The following USP25 variants were observed in gnomAD, a reference collection of about 807,000 sequenced individuals.
USP25 encodes ubiquitin carboxyl-terminal hydrolase 25.
Under a neutral mutation model 158.5 loss-of-function variants are expected in USP25, and 85 were observed. The ratio of observed to expected loss-of-function variants is 0.54; its 90% CI spans 0.45 to 0.64. USP25 has a LOEUF of 0.64. Ranked by LOEUF, USP25 falls within the 30% of genes least tolerant of loss-of-function variation. The pLI, the probability that USP25 is intolerant of heterozygous loss-of-function variation, is 0.00. For missense variants in USP25, 1,242 were observed against 1,327.3 expected (o/e 0.94, Z 1.00); for synonymous variants, 464 against 460.4 (o/e 1.01, Z -0.10).
chr21:15,826,913 C>T lies in USP25; in HGVS notation c.1467-64C>T. 6.4e-7 allele frequency: 1 copy of T among 1,552,922 alleles called. No homozygotes were observed. Among genetic ancestry groups the T allele is most frequent in the Non-Finnish European group, 8.8e-7 (1 of 1,137,920 alleles). The stretch of plus-strand genomic sequence containing the variant: ...AGCCAATTTAATACTGTGGGTTTGG[C>T]ACGATCTTTGTCAAGAGTTTCAGCT... On this transcript the variant is annotated intron_variant, in intron 13 of 25. Coordinates refer to ENST00000400183, the MANE Select transcript of USP25 (RefSeq NM_001283041.3). This position sits in a 1 kb window ranked among gnomAD's most constrained non-coding sequence, Gnocchi z 4.8.
intron 18 of USP25, 102 bp from the exon 19 acceptor site, chr21:15,847,561 G>C (rs1261023547): frequency 1.3e-6 from 1 of 745,240 alleles, no homozygotes; most frequent in Non-Finnish European, 2.3e-6. Context: ...ATGGATACAG[G>C]GCTGCTGCTT....
chr21:15,773,570 T>G (rs1358433800), intron 3 of USP25, among the ~76,000 whole-genome samples: 6 of 152,128 alleles, frequency 3.9e-5, no homozygotes, highest in African/African-American at 7.2e-5. Context: ...TTTCAAAAAA[T>G]TTTGAATGAC....
chr21:15,771,881 C>G (rs921824637), intron 3 of USP25, among the ~76,000 whole-genome samples: 2 of 152,090 alleles, frequency 1.3e-5, no homozygotes, highest in African/African-American at 4.8e-5. Context: ...TCTTTGCTGA[C>G]AGTAAATATA....
intron 8 of USP25, among the ~76,000 whole-genome samples, chr21:15,809,595 T>TAGCTTTTTTAATCTTTTTTAA: frequency 6.6e-6 from 1 of 152,314 alleles, no homozygotes; most frequent in East Asian, 1.9e-4. Context: ...GTATGGGGAT[T>TAGCTTTTTTAATCTTTTTTAA]TCTTAAAAGA....
intron 2 of USP25, among the ~76,000 whole-genome samples, chr21:15,765,259 G>T (rs1487532263): frequency 6.6e-6 from 1 of 152,066 alleles, no homozygotes; most frequent in Non-Finnish European, 1.5e-5. Flanking sequence ...CTTGCTGTCA[G>T]TTGTGCAGAG....
intron 3 of USP25, among the ~76,000 whole-genome samples, chr21:15,772,644 G>A (rs1350878924): frequency 2.6e-5 from 4 of 152,184 alleles, no homozygotes; most frequent in African/African-American, 7.2e-5. Context: ...TCTTTTGTAA[G>A]CATGTGAGAA....
At chr21:15,814,467 G>A (rs1024206285) in intron 9 of USP25, among the ~76,000 whole-genome samples, 1 of 152,154 alleles carries the variant, frequency 6.6e-6, no homozygotes, top group African/African-American at 2.4e-5. Flanking sequence ...GAAAATGTGG[G>A]AAAGTTTGGA....
chr21:15,736,371 G>GT (rs2031519073), intron 1 of USP25, among the ~76,000 whole-genome samples: 1 of 151,978 alleles, frequency 6.6e-6, no homozygotes, highest in South Asian at 2.1e-4. Flanking sequence ...GTACTGGGCA[G>GT]TTTCTCTTTG....
chr21:15,867,335 G>A (rs1371807100), intron 22 of USP25, among the ~76,000 whole-genome samples: 1 of 151,844 alleles, frequency 6.6e-6, no homozygotes, highest in Non-Finnish European at 1.5e-5. Context: ...AATAATTAGT[G>A]TAATTCACTA....
At chr21:15,754,930 A>G (rs1276303769) in intron 1 of USP25, among the ~76,000 whole-genome samples, 1 of 152,208 alleles carries the variant, frequency 6.6e-6, no homozygotes, top group Non-Finnish European at 1.5e-5. Flanking sequence ...GACAGTGAGT[A>G]TTAGAGGTTT....
rs1394827763 is a variant in USP25, at chr21:15,746,018, A to T, written c.45+15580A>T. On this transcript the variant is annotated intron_variant, in intron 1 of 25. Transcript: ENST00000400183. ...TTTATGGAAAATTAATTGATCATGTATGAGTGGGTTTATTTTTGAACTCAG... is the reference window on the plus strand; with the variant it reads ...TTTATGGAAAATTAATTGATCATGTTTGAGTGGGTTTATTTTTGAACTCAG... Among the ~76,000 whole-genome samples, 9 of 152,294 alleles carry T rather than the reference A, an allele frequency of 5.9e-5. No homozygotes were observed. The East Asian group carries it at 1.2e-3, about 20-fold the overall frequency.
intron 2 of USP25, among the ~76,000 whole-genome samples, 198 bp from the exon 3 acceptor site, chr21:15,765,795 TTTAA>T (rs1331626057): frequency 6.6e-6 from 1 of 152,058 alleles, no homozygotes; most frequent in African/African-American, 2.4e-5. Context: ...TATCAGTAGT[TTTAA>T]TTAGTAAGAA....
At chr21:15,870,863 C>CA (rs576372809) in intron 23 of USP25, among the ~76,000 whole-genome samples, 18 of 151,908 alleles carry the variant, frequency 1.2e-4, no homozygotes. Context: ...GCTTCTTTTT[C>CA]AAAAAAAGAA....
rs77491136 is a variant in USP25 at position 15,787,506 on chromosome 21, C to T, written c.393-3996C>T. 1.6e-3 allele frequency among the ~76,000 whole-genome samples: 244 copies of T among 152,132 alleles called. 2 individuals carry two copies. Among genetic ancestry groups the T allele is most frequent in the African/African-American group, 5.7e-3 (238 of 41,534 alleles). ...AACTGGAGTAAATCTAAGAAATGTA[C>T]AAGAACTTCCAGGAAGAAAATGATT... On this transcript the variant is annotated intron_variant, in intron 4 of 25. Transcript: ENST00000400183.
At chr21:15,844,941 T>G (rs997927342) in intron 18 of USP25, among the ~76,000 whole-genome samples, 3 of 152,186 alleles carry the variant, frequency 2.0e-5, no homozygotes, top group Admixed American at 2.0e-4. Context: ...AATAATTAAC[T>G]TCTTGTTTAT....
chr21:15,734,406 A>G (rs970480770), intron 1 of USP25, among the ~76,000 whole-genome samples: 1 of 152,208 alleles, frequency 6.6e-6, no homozygotes, highest in Non-Finnish European at 1.5e-5. Context: ...GGCATTCTTT[A>G]TTAGGAATCA....
chr21:15,730,718 G>A (rs117548555), intron 1 of USP25, among the ~76,000 whole-genome samples: 1,870 of 152,346 alleles, frequency 0.012, 17 homozygotes, highest in Non-Finnish European at 0.02. Context: ...CATTCCTACA[G>A]TGCTCTGTGT....
intron 20 of USP25, among the ~76,000 whole-genome samples, chr21:15,857,451 TAAAA>T (rs35755898): frequency 1.3e-5 from 2 of 152,108 alleles, no homozygotes; most frequent in African/African-American, 4.8e-5. Context: ...GATATTTGCC[TAAAA>T]AAAGACATTA....
chr21:15,854,197 G>A (rs1568893679), intron 20 of USP25, among the ~76,000 whole-genome samples: 1 of 152,138 alleles, frequency 6.6e-6, no homozygotes, highest in Non-Finnish European at 1.5e-5. Flanking sequence ...CCAGGCTGGA[G>A]TGCAGTGGTG....
Sources: allele counts gnomAD v4.1 joint callset (sites outside exome capture counted in the v4.1 genomes callset), GRCh38; gene constraint gnomAD v4.1.1; non-coding constraint Gnocchi (gnomAD v3.1); transcripts MANE v1.5; gene names NCBI Gene and HGNC (gene_info 2026-07-23, HGNC 2026-07-21).